PTPN13: variants seen among roughly 807,000 people sequenced by gnomAD.
The protein encoded by PTPN13 is tyrosine-protein phosphatase non-receptor type 13.
A neutral mutation model predicts 284.0 loss-of-function variants in PTPN13; 191 were observed. That is an observed-to-expected ratio of 0.67 (90% confidence interval 0.60 to 0.76). The LOEUF is 0.76. PTPN13 is among the 30% of genes least tolerant of loss of function. PTPN13 has a pLI of 0.00. For missense variants in PTPN13, 2,797 were observed against 2,939.9 expected (o/e 0.95, Z 1.12); for synonymous variants, 986 against 1,022.3 (o/e 0.96, Z 0.68).
chr4:86,656,591 G>A (rs1275358259), intron 2 of PTPN13, among the ~76,000 whole-genome samples: 2 of 152,182 alleles, frequency 1.3e-5, no homozygotes, highest in African/African-American at 4.8e-5. Flanking sequence ...TGGAAGCTTT[G>A]TCTGAGAGGA....
intron 13 of PTPN13, 29 bp downstream of exon 13, chr4:86,734,485 C>A: frequency 6.7e-7 from 1 of 1,494,118 alleles, no homozygotes; most frequent in East Asian, 2.4e-5. Context: ...CTCTTTTGCT[C>A]TTTTTGGACA....
intron 2 of PTPN13, among the ~76,000 whole-genome samples, chr4:86,638,766 A>G (rs1157912742): frequency 6.6e-6 from 1 of 152,160 alleles, no homozygotes; most frequent in Non-Finnish European, 1.5e-5. Context: ...GGACATAGGC[A>G]TGGGCAAGGA....
chr4:86,795,648 A>T (rs10030981), intron 40 of PTPN13, among the ~76,000 whole-genome samples: 15,149 of 152,282 alleles, frequency 0.099, 872 homozygotes, highest in Non-Finnish European at 0.11. Context: ...CCAAATGTCC[A>T]TCGATGATAG....
chr4:86,642,162 G>C (rs1056834474), intron 2 of PTPN13, among the ~76,000 whole-genome samples: 3 of 151,940 alleles, frequency 2.0e-5, no homozygotes, highest in African/African-American at 7.2e-5. Context: ...GGCCACCTTT[G>C]CTTCATTTTT....
At chr4:86,757,644 G>A (rs550060385) in intron 20 of PTPN13, among the ~76,000 whole-genome samples, 5 of 151,680 alleles carry the variant, frequency 3.3e-5, no homozygotes, top group Admixed American at 6.6e-5. Flanking sequence ...CGTGCCTGTC[G>A]TACTAGCTAT....
At chr4:86,640,178 T>C (rs1004179798) in intron 2 of PTPN13, among the ~76,000 whole-genome samples, 19 of 152,192 alleles carry the variant, frequency 1.2e-4, no homozygotes, top group Non-Finnish European at 2.1e-4. Context: ...ACCTTTATGT[T>C]TGATGATCTT....
In PTPN13 at chr4:86,763,193, ATAGTTT is replaced by A; in HGVS notation, c.4017+4_4017+9del. 6.3e-7 allele frequency: 1 copy of A among 1,598,674 alleles called. No individual in the cohort carries two copies. ...AGGATCATCAAACACCAAAACAGGC[ATAGTTT>A]AATTTTAATATTTTGGTTTTCTCAT... is the stretch of plus-strand genomic sequence containing the variant. On this transcript the variant is annotated splice_donor_5th_base_variant and intron_variant, in intron 24 of 47. Transcript: ENST00000411767.
intron 1 of PTPN13, among the ~76,000 whole-genome samples, chr4:86,626,227 A>G (rs973222482): frequency 7.9e-5 from 12 of 152,146 alleles, no homozygotes; most frequent in African/African-American, 2.9e-4. Context: ...GGGACTAGGC[A>G]TACATGATTT....
rs1744347510 is a variant in PTPN13 at position 86,803,844 on chromosome 4, C to T, written c.6641C>T (p.Ser2214Phe). 2 of 1,613,382 alleles carry T rather than the reference C, an allele frequency of 1.2e-6. No individual in the cohort carries two copies. Among genetic ancestry groups the T allele is most frequent in the Non-Finnish European group, 1.7e-6 (2 of 1,179,612 alleles). ...LRGLLDQGIPSKELENLQELK... is the reference protein window; with the variant it reads ...LRGLLDQGIPFKELENLQELK... ...GGTTTGCTAGATCAAGGAATTCCTT[C>T]TAAGGAGCTGGAGGTAAGTGGCTTC... is the stretch of plus-strand genomic sequence containing the variant. Residue 2214 changes from serine to phenylalanine, a missense_variant, in exon 43 of 48, where the codon TCT becomes TTT. Physicochemically the swap from Ser to Phe is radical, Grantham distance 155 (BLOSUM62 -2). Transcript: ENST00000411767.
Position 86,662,754 on chromosome 4 carries a change from A to G in PTPN13, c.116-9611A>G, listed in dbSNP as rs1039012486. ...TGGATACTCTTCAGGAAAATAAAAA[A>G]TTGATATTAATTCCATGACCTTGAG... On this transcript the variant is annotated intron_variant, in intron 2 of 47. Coordinates refer to ENST00000411767, the MANE Select transcript of PTPN13 (RefSeq NM_080683.3). Among the ~76,000 whole-genome samples the G allele has an allele frequency of 2.6e-5, 4 of 152,376 alleles. No homozygotes were observed. In the East Asian group the frequency reaches 7.7e-4, roughly 29 times the overall value.
chr4:86,672,608 G>C, intron 3 of PTPN13, 65 bp downstream of exon 3: 1 of 1,285,956 alleles, frequency 7.8e-7, no homozygotes. Context: ...AAAGACAATG[G>C]GCTACCATGT....
At chr4:86,683,701 C>T (rs1300967359) in intron 3 of PTPN13, among the ~76,000 whole-genome samples, 2 of 152,054 alleles carry the variant, frequency 1.3e-5, no homozygotes, top group Admixed American at 6.6e-5. Context: ...AGCAAATGTA[C>T]AATTTTATAA....
At chr4:86,757,070 A>G (rs1366108075) in intron 20 of PTPN13, among the ~76,000 whole-genome samples, 1 of 152,220 alleles carries the variant, frequency 6.6e-6, no homozygotes, top group East Asian at 1.9e-4. Flanking sequence ...TGATGTTAAG[A>G]AGTGTGTGTT....
At chr4:86,781,300 G>A (rs954502022) in intron 36 of PTPN13, among the ~76,000 whole-genome samples, 31 of 147,638 alleles carry the variant, frequency 2.1e-4, no homozygotes, top group Non-Finnish European at 3.3e-4. Flanking sequence ...AAACTCTACC[G>A]TATTTTTCTC....
Position 86,767,995 on chromosome 4 carries a change from A to G in PTPN13, c.4489+19A>G, listed in dbSNP as rs1739529095. 1.3e-6 allele frequency: 2 copies of G among 1,591,968 alleles called. No individual in the cohort carries two copies. Among genetic ancestry groups the G allele is most frequent in the Non-Finnish European group, 8.5e-7 (1 of 1,173,484 alleles). Reference sequence around the variant, plus strand: ...ACTGAAGGTCAGGCCTTGGGAGACTACAATCTCACCTTTAAATTATTCCTC... The same window carrying G: ...ACTGAAGGTCAGGCCTTGGGAGACTGCAATCTCACCTTTAAATTATTCCTC... On this transcript the variant is annotated intron_variant, in intron 28 of 47. Coordinates refer to ENST00000411767, the MANE Select transcript of PTPN13 (RefSeq NM_080683.3).
chr4:86,719,709 A>G (rs1360633958), intron 9 of PTPN13, among the ~76,000 whole-genome samples: 1 of 152,096 alleles, frequency 6.6e-6, no homozygotes, highest in Non-Finnish European at 1.5e-5. Context: ...TCTGATTTGC[A>G]TTTCTGTAAT....
At chr4:86,635,124 T>C in intron 1 of PTPN13, 128 bp from the exon 2 acceptor site, 1 of 999,362 alleles carries the variant, frequency 1.0e-6, no homozygotes. Flanking sequence ...ACATTTAGAT[T>C]GGTAGCCATA....
intron 2 of PTPN13, among the ~76,000 whole-genome samples, chr4:86,648,419 C>G (rs1389061785): frequency 1.3e-5 from 2 of 152,100 alleles, no homozygotes; most frequent in East Asian, 1.9e-4. Context: ...ATTCTACTCT[C>G]TATTTCCATG....
At chr4:86,785,957 A>C in intron 40 of PTPN13, 21 bp downstream of exon 40, 1 of 1,367,686 alleles carries the variant, frequency 7.3e-7, no homozygotes, top group Non-Finnish European at 1.0e-6. Flanking sequence ...TACCTAAACA[A>C]CCTAGGATAT....
Sources: gnomAD v4.1 joint callset for allele counts (sites outside exome capture counted in the v4.1 genomes callset) on GRCh38, gnomAD v4.1.1 for gene constraint, MANE v1.5 for transcripts, NCBI Gene and HGNC (gene_info 2026-07-23, HGNC 2026-07-21) for gene names.